Variants in PDCD10 observed in about 807,000 individuals in gnomAD.
PDCD10 encodes the protein programmed cell death 10.
In PDCD10, 4 loss-of-function variants were observed where a neutral mutation model predicts 29.2. That is an observed-to-expected ratio of 0.14 (90% CI 0.07 to 0.31). The LOEUF is 0.31. PDCD10 is among the 10% of genes least tolerant of loss of function. PDCD10 has a pLI of 1.00. For synonymous variants in PDCD10, 70 were observed against 82.2 expected (o/e 0.85, Z 0.80); for missense variants, 183 against 257.9 (o/e 0.71, Z 1.99).
intron 3 of PDCD10, among the ~76,000 whole-genome samples, chr3:167,719,732 T>C (rs1298790655): frequency 6.6e-6 from 1 of 152,108 alleles, no homozygotes; most frequent in African/African-American, 2.4e-5. Context: ...GTGAGGCCTG[T>C]CCTGACCCCT....
rs894805675 is a variant in PDCD10, at chr3:167,722,571, G to A, written c.-116-2298C>T. 5.9e-5 allele frequency among the ~76,000 whole-genome samples: 9 copies of A among 152,284 alleles called. No homozygotes were observed. The South Asian group carries it at 1.2e-3, about 21-fold the overall frequency. Reference sequence around the variant, plus strand: ...GTTAAAGCGGTAACCTTCAAAGAGCGGAGTACTTATATACTGGGGTGAGAA... The same window carrying A: ...GTTAAAGCGGTAACCTTCAAAGAGCAGAGTACTTATATACTGGGGTGAGAA... On this transcript the variant is annotated intron_variant, in intron 2 of 8. Coordinates refer to ENST00000392750, the MANE Select transcript of PDCD10 (RefSeq NM_007217.4).
In PDCD10 at chr3:167,704,843, T is replaced by C. The variant is rs1721811763; in HGVS notation, c.149A>G (p.Lys50Arg). 2 of 1,595,718 alleles carry C rather than the reference T, an allele frequency of 1.3e-6. No individual in the cohort carries two copies. The highest frequency in any genetic ancestry group is 1.7e-5 in the Admixed American group (1 of 59,980). Reference sequence around the variant, plus strand: ...CATAGTAAATTATTTGCACCTCACCTTGATGAAAGCGGCTCTCAGTGTCTG... The same window carrying C: ...CATAGTAAATTATTTGCACCTCACCCTGATGAAAGCGGCTCTCAGTGTCTG... ...AAQTLRAAFI[K>R]AEKENPGLTQ... Residue 50 changes from lysine (K) to arginine (R), a missense_variant and splice_region_variant, in exon 4 of 9, where the codon AAG (lysine) becomes AGG (arginine). By Grantham distance (26) the Lys-to-Arg change is conservative (BLOSUM62 2). Coordinates refer to ENST00000392750, the MANE Select transcript of PDCD10 (RefSeq NM_007217.4).
In PDCD10 at chr3:167,683,705, T is replaced by A. The variant is rs1224313086; in HGVS notation, c.*603A>T. The A allele has an allele frequency of 1.3e-5, 2 of 151,764 alleles. No individual in the cohort carries two copies. The highest frequency in any genetic ancestry group is 4.8e-5 in the African/African-American group (2 of 41,388). The allele number at this position is 151,764 out of a possible 1,614,324, so 9.4% of individuals were successfully genotyped here. On this transcript the variant is annotated 3_prime_UTR_variant, in exon 9 of 9. Coordinates refer to ENST00000392750, the MANE Select transcript of PDCD10 (RefSeq NM_007217.4). ...ACCTTATAAGTAATTAACAAAAATA[T>A]TTCCATTGACTACTCTGTGTCCAAA...
chr3:167,713,186 A>ATGT (rs879561451), intron 3 of PDCD10, among the ~76,000 whole-genome samples: 8 of 152,090 alleles, frequency 5.3e-5, no homozygotes, highest in Non-Finnish European at 1.2e-4. Flanking sequence ...GACAGATCAT[A>ATGT]TGTTAGGTCA....
At chr3:167,705,738 T>TA (rs1041642609) in intron 3 of PDCD10, among the ~76,000 whole-genome samples, 2 of 151,952 alleles carry the variant, frequency 1.3e-5, no homozygotes, top group Non-Finnish European at 2.9e-5. Flanking sequence ...CCTCAGTAGA[T>TA]AAAAAAGGCA....
At chr3:167,716,971 C>T (rs1223113633) in intron 3 of PDCD10, among the ~76,000 whole-genome samples, 1 of 151,940 alleles carries the variant, frequency 6.6e-6, no homozygotes, top group African/African-American at 2.4e-5. Context: ...CAAAGAATCA[C>T]TACAAAGTAA....
Position 167,720,265 on chromosome 3 carries a change from C to G in PDCD10, c.-108G>C, listed in dbSNP as rs1233196564. 1 of 746,140 alleles carries G rather than the reference C, an allele frequency of 1.3e-6. No homozygotes were observed. Among genetic ancestry groups the G allele is most frequent in the South Asian group, 1.5e-5 (1 of 68,626 alleles). 46.2% of individuals were successfully genotyped at this position (746,140 alleles called of 1,614,324 possible). A position where few individuals can be genotyped will look rare whatever the true frequency, so the allele number is the denominator to read the frequency against. On this transcript the variant is annotated 5_prime_UTR_variant, in exon 3 of 9. Transcript: ENST00000392750. ...TGATAAAAGAATTGGACACAAAAAA[C>G]ACACTGATCTGGTGAAAGAGGAAGA...
intron 8 of PDCD10, among the ~76,000 whole-genome samples, 169 bp from the exon 9 acceptor site, chr3:167,684,558 T>A (rs1200485171): frequency 6.6e-6 from 1 of 152,150 alleles, no homozygotes; most frequent in Non-Finnish European, 1.5e-5. Flanking sequence ...TGCATCATTT[T>A]AAACTATCTA....
At chr3:167,712,001 A>G (rs765284859) in intron 3 of PDCD10, among the ~76,000 whole-genome samples, 2 of 152,206 alleles carry the variant, frequency 1.3e-5, no homozygotes, top group Non-Finnish European at 2.9e-5. Context: ...TTGTCCTAGA[A>G]GAAATAACAA....
At chr3:167,695,792 C>T (rs565097147) in intron 5 of PDCD10, 70 bp from the exon 6 acceptor site, 6 of 1,505,670 alleles carry the variant, frequency 4.0e-6, no homozygotes, top group South Asian at 2.3e-5. Context: ...CTAAGAATTT[C>T]CAATGTTGGT....
intron 6 of PDCD10, among the ~76,000 whole-genome samples, chr3:167,689,799 T>C (rs1720019588): frequency 6.6e-6 from 1 of 152,152 alleles, no homozygotes; most frequent in South Asian, 2.1e-4. Context: ...TAAGCCTCTG[T>C]TTGGACACGA....
intron 2 of PDCD10, among the ~76,000 whole-genome samples, chr3:167,729,293 T>C (rs964927696): frequency 6.6e-6 from 1 of 152,206 alleles, no homozygotes; most frequent in Non-Finnish European, 1.5e-5. Flanking sequence ...CAACGTGTAT[T>C]TCCTAATAGG....
At chr3:167,705,920 C>T (rs1721924047) in intron 3 of PDCD10, among the ~76,000 whole-genome samples, 1 of 152,066 alleles carries the variant, frequency 6.6e-6, no homozygotes, top group South Asian at 2.1e-4. Context: ...ATCTCAAGTT[C>T]TTGTTATTCA....
intron 3 of PDCD10, among the ~76,000 whole-genome samples, chr3:167,710,111 T>C (rs946233143): frequency 2.4e-4 from 37 of 152,130 alleles, no homozygotes; most frequent in African/African-American, 5.8e-4. Flanking sequence ...TAGGCCTTGG[T>C]TGAGATTCAG....
intron 8 of PDCD10, 92 bp from the exon 9 acceptor site, chr3:167,684,481 T>TTA: frequency 1.4e-6 from 1 of 721,968 alleles, no homozygotes; most frequent in Non-Finnish European, 2.5e-6. Flanking sequence ...GGAATCAATT[T>TTA]TAGAAAAAAA....
intron 6 of PDCD10, 120 bp downstream of exon 6, chr3:167,695,476 T>C: frequency 1.1e-6 from 1 of 897,410 alleles, no homozygotes; most frequent in African/African-American, 1.7e-5. Flanking sequence ...TATTTAAAAA[T>C]TTGAGATTTT....
intron 2 of PDCD10, among the ~76,000 whole-genome samples, chr3:167,722,626 G>T (rs1380734562): frequency 6.6e-6 from 1 of 152,152 alleles, no homozygotes; most frequent in East Asian, 1.9e-4. Context: ...GAGTGAGCTG[G>T]TAAGTTTTCA....
chr3:167,690,051 T>G (rs1234117199), intron 6 of PDCD10, among the ~76,000 whole-genome samples: 1 of 152,010 alleles, frequency 6.6e-6, no homozygotes, highest in Non-Finnish European at 1.5e-5. Flanking sequence ...GATAAAGAAC[T>G]GAGAAAAAAC....
chr3:167,686,616 T>A (rs1719653567), intron 8 of PDCD10, among the ~76,000 whole-genome samples: 1 of 152,076 alleles, frequency 6.6e-6, no homozygotes, highest in South Asian at 2.1e-4. Flanking sequence ...CACCTGAAAA[T>A]TTCTAAGAAA....
Sources: gnomAD v4.1 joint callset for allele counts (sites outside exome capture counted in the v4.1 genomes callset) on GRCh38, gnomAD v4.1.1 for gene constraint, MANE v1.5 for transcripts, NCBI Gene and HGNC (gene_info 2026-07-23, HGNC 2026-07-21) for gene names.